TYW1B: variants seen among roughly 807,000 people sequenced by gnomAD.
TYW1B encodes the protein S-adenosyl-L-methionine-dependent tRNA 4-demethylwyosine synthase TYW1B.
Under a neutral mutation model 86.9 loss-of-function variants are expected in TYW1B, and 73 were observed. The ratio of observed to expected loss-of-function variants is 0.84; its 90% CI spans 0.70 to 1.02. The LOEUF is 1.02. TYW1B is among the 50% of genes least tolerant of loss of function. The pLI is 0.00. For synonymous variants in TYW1B, 248 were observed against 292.8 expected, an observed-to-expected ratio of 0.85 and a Z score of 1.56; for missense variants, 637 against 827.4, an observed-to-expected ratio of 0.77 and a Z score of 2.82.
At chr7:72,608,199 T>C (rs1303195342) in intron 13 of TYW1B, among the ~76,000 whole-genome samples, 1 of 152,092 alleles carries the variant, frequency 6.6e-6, no homozygotes, top group Non-Finnish European at 1.5e-5. Flanking sequence ...TTCAAACAGA[T>C]GGGGAAGATT....
chr7:72,589,657 A>G (rs1811350965), intron 13 of TYW1B, among the ~76,000 whole-genome samples: 1 of 152,194 alleles, frequency 6.6e-6, no homozygotes, highest in South Asian at 2.1e-4. Context: ...CAGGTGGATC[A>G]CTTGAGGTCA....
chr7:72,611,657 C>T (rs1176547062), intron 13 of TYW1B, among the ~76,000 whole-genome samples: 12 of 152,126 alleles, frequency 7.9e-5, no homozygotes, highest in Non-Finnish European at 1.0e-4. Context: ...AGCGTGAAAA[C>T]GGACAAATAC....
At position 72,774,036 on chromosome 7, in the gene TYW1B, T is replaced by C. The variant is rs142362555; in HGVS notation, c.964+3380A>G. ...AAGACCACACCACTGCACCCCAGAC[T>C]GGGCAACAAGAGTGAAACTCCATCT... On this transcript the variant is annotated intron_variant, in intron 7 of 13. Transcript: ENST00000620995. Among the ~76,000 whole-genome samples the C allele has an allele frequency of 7.9e-3, 1,001 of 127,502 alleles. 15 individuals carry two copies. The highest frequency in any genetic ancestry group is 0.03 in the African/African-American group (977 of 32,932). The allele number at this position is 127,502 out of a possible 152,430, so 83.6% of individuals were successfully genotyped here.
Position 72,574,975 on chromosome 7 carries a change from A to G in TYW1B, c.*523T>C. On this transcript the variant is annotated 3_prime_UTR_variant, in exon 14 of 14. Transcript: ENST00000620995. ...ATGCAGTATTTAAAAAATAATTGAG[A>G]GTTGTGACAACTTCGATTCTTTTCA... 2 of 988,044 alleles carry G rather than the reference A, an allele frequency of 2.0e-6. No individual in the cohort carries two copies. The highest frequency in any genetic ancestry group is 4.7e-5 in the South Asian group (1 of 21,488). 61.2% of individuals were successfully genotyped at this position (988,044 alleles called of 1,614,324 possible).
rs1456629546 is a variant in TYW1B, at chr7:72,815,087, A to G, written c.237+293T>C. Among the ~76,000 whole-genome samples the G allele has an allele frequency of 1.1e-3, 167 of 146,658 alleles. 1 individual carries two copies. The highest frequency in any genetic ancestry group is 3.4e-3 in the Middle Eastern group (1 of 290). ...CCATCTCAAAAAAAAAAAAAAAAAA[A>G]AAAGAAAATTGTGGGAAGGAGTGAA... On this transcript the variant is annotated intron_variant, in intron 3 of 13. Coordinates refer to ENST00000620995, the MANE Select transcript of TYW1B (RefSeq NM_001145440.3).
At chr7:72,764,035 A>G in intron 7 of TYW1B, among the ~76,000 whole-genome samples, 1 of 152,212 alleles carries the variant, frequency 6.6e-6, no homozygotes, top group East Asian at 1.9e-4. Flanking sequence ...GGGATATGTT[A>G]TTAATGTGAA....
chr7:72,785,914 A>AC (rs1788121257), intron 6 of TYW1B, among the ~76,000 whole-genome samples: 1 of 152,068 alleles, frequency 6.6e-6, no homozygotes, highest in Non-Finnish European at 1.5e-5. Flanking sequence ...GGAGTTCAAG[A>AC]CCAGCCTGGC....
At chr7:72,809,111 C>T (rs1158206351) in intron 4 of TYW1B, among the ~76,000 whole-genome samples, 3 of 143,924 alleles carry the variant, frequency 2.1e-5, no homozygotes, top group Non-Finnish European at 3.0e-5. Flanking sequence ...GGTGAGATCT[C>T]GGCTCACTGC....
intron 6 of TYW1B, among the ~76,000 whole-genome samples, chr7:72,780,528 A>G (rs1479474406): frequency 6.6e-6 from 1 of 152,120 alleles, no homozygotes; most frequent in African/African-American, 2.4e-5. Flanking sequence ...TCTGACCACT[A>G]TGCCCAAAGC....
intron 7 of TYW1B, among the ~76,000 whole-genome samples, chr7:72,750,540 G>T (rs1585954094): frequency 6.6e-6 from 1 of 152,044 alleles, no homozygotes; most frequent in African/African-American, 2.4e-5. Flanking sequence ...GTATTGGTAT[G>T]GATTCTTTTG....
At chr7:72,575,888 C>T (rs1459640712) in intron 13 of TYW1B, among the ~76,000 whole-genome samples, 169 bp from the exon 14 acceptor site, 3 of 152,218 alleles carry the variant, frequency 2.0e-5, no homozygotes, top group African/African-American at 7.2e-5. Context: ...ACATGACTTC[C>T]TATCAAAGCA....
chr7:72,586,739 A>AAAT (rs375819364), intron 13 of TYW1B, among the ~76,000 whole-genome samples: 29,051 of 148,526 alleles, frequency 0.2, 3,287 homozygotes, highest in Non-Finnish European at 0.27. Context: ...GCCCATCTCA[A>AAAT]AATAATAATA....
intron 10 of TYW1B, among the ~76,000 whole-genome samples, chr7:72,710,285 C>T (rs1786621978): frequency 6.6e-6 from 1 of 152,078 alleles, no homozygotes; most frequent in African/African-American, 2.4e-5. Context: ...CCCCAAACAC[C>T]ACTCTATCCC....
intron 9 of TYW1B, among the ~76,000 whole-genome samples, chr7:72,720,573 G>A (rs2844081): frequency 6.6e-6 from 1 of 152,146 alleles, no homozygotes; most frequent in Admixed American, 6.5e-5. Context: ...AAGATATTGA[G>A]AAGCTTATGT....
chr7:72,703,854 C>CAA (rs1200304670), intron 10 of TYW1B, among the ~76,000 whole-genome samples: 3 of 87,218 alleles, frequency 3.4e-5, no homozygotes, highest in Non-Finnish European at 4.8e-5. Flanking sequence ...GACCCTGTCT[C>CAA]AAAAAAAAAA....
intron 3 of TYW1B, among the ~76,000 whole-genome samples, chr7:72,814,013 TAA>T (rs72093914): frequency 0.014 from 1,915 of 132,216 alleles, 41 homozygotes; most frequent in African/African-American, 0.049. Context: ...AAAACTCCAT[TAA>T]AAAAAAAAAA....
At chr7:72,657,436 T>C (rs1170552285) in intron 11 of TYW1B, among the ~76,000 whole-genome samples, 1 of 152,078 alleles carries the variant, frequency 6.6e-6, no homozygotes, top group Non-Finnish European at 1.5e-5. Context: ...TTTAATAAAA[T>C]AATAGTTTAA....
intron 7 of TYW1B, among the ~76,000 whole-genome samples, chr7:72,770,534 GAA>G (rs2129571879): frequency 6.6e-6 from 1 of 151,792 alleles, no homozygotes; most frequent in East Asian, 1.9e-4. Context: ...ATGATGGTGA[GAA>G]TGTGTAACAA....
chr7:72,669,803 T>C (rs1813551605), intron 11 of TYW1B, among the ~76,000 whole-genome samples: 1 of 151,532 alleles, frequency 6.6e-6, no homozygotes, highest in South Asian at 2.1e-4. Context: ...ATAACAATAA[T>C]AACAGCACTG....
Sources: gnomAD v4.1 joint callset for allele counts (sites outside exome capture counted in the v4.1 genomes callset) on GRCh38, gnomAD v4.1.1 for gene constraint, MANE v1.5 for transcripts, NCBI Gene and HGNC (gene_info 2026-07-23, HGNC 2026-07-21) for gene names.